Variants in SPON1 observed in about 807,000 individuals in gnomAD.
SPON1 encodes the protein spondin 1.
SPON1 carries 52 observed loss-of-function variants against 111.7 expected under a neutral mutation model. The observed-to-expected ratio is 0.47, with a 90% confidence interval of 0.37 to 0.59. The LOEUF is 0.59. Among genes scored for constraint, SPON1 ranks in the 20% least tolerant of loss-of-function variants. The pLI, the probability that SPON1 is intolerant of heterozygous loss-of-function variation, is 0.00. For synonymous variants in SPON1, 410 were observed against 395.8 expected, an observed-to-expected ratio of 1.04 and a Z score of -0.43; for missense variants, 957 against 1,068.5, an observed-to-expected ratio of 0.90 and a Z score of 1.46.
At chr11:14,097,461 A>T (rs1849110416) in intron 5 of SPON1, among the ~76,000 whole-genome samples, 1 of 152,204 alleles carries the variant, frequency 6.6e-6, no homozygotes, top group African/African-American at 2.4e-5. Flanking sequence ...TTTGGTTATT[A>T]TGAATGAGAT....
chr11:13,992,068 C>T (rs182613212), intron 2 of SPON1, among the ~76,000 whole-genome samples: 107 of 152,258 alleles, frequency 7.0e-4, no homozygotes, highest in Non-Finnish European at 1.3e-3. Flanking sequence ...CAGTCTGACC[C>T]TTAGCAGAAC....
At chr11:14,081,453 A>G (rs1333333807) in intron 5 of SPON1, among the ~76,000 whole-genome samples, 1 of 152,132 alleles carries the variant, frequency 6.6e-6, no homozygotes, top group Non-Finnish European at 1.5e-5. Flanking sequence ...TTTTGTGGAT[A>G]AGTTTACTGG....
chr11:14,118,235 T>C (rs781970404), intron 5 of SPON1, among the ~76,000 whole-genome samples: 1 of 152,232 alleles, frequency 6.6e-6, no homozygotes, highest in Non-Finnish European at 1.5e-5. Context: ...TCTGTAGTGC[T>C]ACAGTTCCTT....
intron 3 of SPON1, among the ~76,000 whole-genome samples, chr11:14,053,770 TG>T (rs1848724770): frequency 6.6e-6 from 1 of 152,220 alleles, no homozygotes; most frequent in African/African-American, 2.4e-5. Flanking sequence ...ACACCTACTT[TG>T]TCTTTCAGGG....
At position 14,072,343 on chromosome 11, in the gene SPON1, C is replaced by A. The variant is rs1446204195; in HGVS notation, c.480-3002C>A. Among the ~76,000 whole-genome samples, 3 of 152,032 alleles carry A rather than the reference C, an allele frequency of 2.0e-5. No homozygotes were observed. The East Asian group carries it at 5.8e-4, about 29-fold the overall frequency. ...AAATACATGTTTTTCATCTCTAGTC[C>A]CCCAAAATTTTTATAATCATATATT... On this transcript the variant is annotated intron_variant, in intron 3 of 15. Coordinates refer to ENST00000576479, the MANE Select transcript of SPON1 (RefSeq NM_006108.4).
chr11:14,208,406 T>C (rs1848538242), intron 6 of SPON1, among the ~76,000 whole-genome samples: 1 of 152,218 alleles, frequency 6.6e-6, no homozygotes, highest in Non-Finnish European at 1.5e-5. Context: ...TATACGTTAT[T>C]GATTGTATTA....
At chr11:13,997,736 C>G (rs73420231) in intron 2 of SPON1, among the ~76,000 whole-genome samples, 2,925 of 152,200 alleles carry the variant, frequency 0.019, 96 homozygotes, top group African/African-American at 0.067. Context: ...GGATTGGGAT[C>G]GCTGTAAAAT....
intron 3 of SPON1, among the ~76,000 whole-genome samples, chr11:14,062,861 C>T (rs1183400938): frequency 6.6e-6 from 1 of 152,114 alleles, no homozygotes; most frequent in African/African-American, 2.4e-5. Context: ...GGACAAAGAC[C>T]CTGGAAAAAG....
rs886073392 is a variant in SPON1, at chr11:14,114,318, T to C, written c.677-21102T>C. 3.9e-5 allele frequency among the ~76,000 whole-genome samples: 6 copies of C among 152,312 alleles called. No homozygotes were observed. The East Asian group carries it at 1.2e-3, about 29-fold the overall frequency. ...AAAAATATTGGAGGGAAGCTAATAA[T>C]CAAGGCAAAACAAATAAAGTTCTGA... On this transcript the variant is annotated intron_variant, in intron 5 of 15. Coordinates refer to ENST00000576479, the MANE Select transcript of SPON1 (RefSeq NM_006108.4).
Position 14,255,770 on chromosome 11 carries a change from G to A in SPON1, c.1216G>A (p.Glu406Lys). Residue 406 changes from glutamate (E) to lysine (K), a missense_variant, in exon 9 of 16, where the codon GAG (glutamate) becomes AAG (lysine). By Grantham distance (56) the Glu-to-Lys change is moderately conservative (BLOSUM62 1). This residue lies in a region of SPON1 where 549 missense variants were observed against 606.2 expected (regional missense o/e 0.91). Coordinates refer to ENST00000576479, the MANE Select transcript of SPON1 (RefSeq NM_006108.4). ...CACTCAAGTAGCCAGAGTTGTCATC[G>A]AGAGAATCGCACGGAAGGTACTGGG... ...SITQVARVVIERIARKGEQCN... is the reference protein window; with the variant it reads ...SITQVARVVIKRIARKGEQCN... 9.3e-6 allele frequency: 15 copies of A among 1,613,810 alleles called. No individual in the cohort carries two copies. The highest frequency in any genetic ancestry group is 4.5e-5 in the East Asian group (2 of 44,850).
chr11:14,064,031 C>G (rs1378812364), intron 3 of SPON1, among the ~76,000 whole-genome samples: 1 of 152,142 alleles, frequency 6.6e-6, no homozygotes, highest in African/African-American at 2.4e-5. Flanking sequence ...ATGGCAGACA[C>G]TCAAAATTAT....
At chr11:14,139,056 T>C (rs1436875872) in intron 6 of SPON1, among the ~76,000 whole-genome samples, 1 of 152,162 alleles carries the variant, frequency 6.6e-6, no homozygotes, top group Admixed American at 6.5e-5. Context: ...ACTTAAAATG[T>C]TTAATAGCTT....
intron 6 of SPON1, among the ~76,000 whole-genome samples, chr11:14,160,934 TATATATATATTTATATATTTA>T: frequency 1.2e-4 from 2 of 16,666 alleles, no homozygotes; most frequent in African/African-American, 3.7e-4. Context: ...TTTATATATT[TATATATATATTTATATATTTA>T]TATATATTTA....
At chr11:13,998,598 T>TC (rs1375072818) in intron 2 of SPON1, among the ~76,000 whole-genome samples, 35 of 152,268 alleles carry the variant, frequency 2.3e-4, no homozygotes, top group South Asian at 6.2e-4. Flanking sequence ...AAATTCCCAT[T>TC]CCCCTACAAG....
At chr11:14,132,581 C>T (rs1436286220) in intron 5 of SPON1, among the ~76,000 whole-genome samples, 1 of 152,168 alleles carries the variant, frequency 6.6e-6, no homozygotes, top group Non-Finnish European at 1.5e-5. Flanking sequence ...CCCCTGCCCC[C>T]AGACTGTGAG....
At chr11:14,160,409 A>T (rs377416806) in intron 6 of SPON1, among the ~76,000 whole-genome samples, 923 of 53,376 alleles carry the variant, frequency 0.017, 136 homozygotes, top group East Asian at 0.037. Flanking sequence ...ATATTTATAT[A>T]TATATATTTA....
Position 14,257,708 on chromosome 11 carries a change from CT to C in SPON1, c.1310-5del. Reference sequence around the variant, plus strand: ...TCCCAGGGAAAACATGTCAAACACTCTTTCCAGATGACACCCCTGAAACCTG... The same window carrying C: ...TCCCAGGGAAAACATGTCAAACACTCTTCCAGATGACACCCCTGAAACCTG... On this transcript the variant is annotated splice_region_variant and splice_polypyrimidine_tract_variant and intron_variant, in intron 10 of 15. Transcript: ENST00000576479. 3 of 1,599,930 alleles carry C rather than the reference CT, an allele frequency of 1.9e-6. No individual in the cohort carries two copies. Among genetic ancestry groups the C allele is most frequent in the Non-Finnish European group, 2.6e-6 (3 of 1,171,718 alleles).
intron 7 of SPON1, among the ~76,000 whole-genome samples, chr11:14,249,183 G>A (rs1046635278): frequency 8.5e-5 from 13 of 152,168 alleles, no homozygotes; most frequent in Middle Eastern, 3.2e-3. Context: ...ATTAGATAAA[G>A]GTCGTGTTTG....
rs181567648 is a variant in SPON1 at position 14,084,804 on chromosome 11, G to C, written c.676+4783G>C. Among the ~76,000 whole-genome samples the C allele has an allele frequency of 1.5e-3, 227 of 152,278 alleles. 2 individuals are homozygous for C. Among genetic ancestry groups the C allele is most frequent in the Non-Finnish European group, 7.2e-4 (49 of 68,024 alleles). On this transcript the variant is annotated intron_variant, in intron 5 of 15. Coordinates refer to ENST00000576479, the MANE Select transcript of SPON1 (RefSeq NM_006108.4). ...TTCCTATTTCTCCACATCCTCTCCAGCACCTGTTGTTTCTTGACTTTTTAA... is the reference window on the plus strand; with the variant it reads ...TTCCTATTTCTCCACATCCTCTCCACCACCTGTTGTTTCTTGACTTTTTAA...
Sources: allele counts gnomAD v4.1 joint callset (sites outside exome capture counted in the v4.1 genomes callset), GRCh38; gene constraint gnomAD v4.1.1; regional missense constraint gnomAD v4.1.1; transcripts MANE v1.5; gene names NCBI Gene and HGNC (gene_info 2026-07-23, HGNC 2026-07-21).